PIK3R3: variants seen among roughly 807,000 people sequenced by gnomAD.
The protein encoded by PIK3R3 is phosphoinositide-3-kinase regulatory subunit 3.
Under a neutral mutation model 62.9 loss-of-function variants are expected in PIK3R3, and 64 were observed. That is an observed-to-expected ratio of 1.02 (90% CI 0.83 to 1.25). PIK3R3 has a LOEUF of 1.25. Ranked by LOEUF, PIK3R3 falls within the 50% of genes most tolerant of loss-of-function variation. The probability of loss-of-function intolerance (pLI) is 0.00; values close to 1 mark genes in which losing one functional copy is unlikely to be tolerated. For missense variants in PIK3R3, 614 were observed against 561.6 expected, an observed-to-expected ratio of 1.09 and a Z score of -0.94; for synonymous variants, 165 against 189.0, an observed-to-expected ratio of 0.87 and a Z score of 1.04.
At chr1:46,136,770 G>T (rs1557647278), upstream of PIK3R3, among the ~76,000 whole-genome samples, 1 of 152,184 alleles carries the variant, frequency 6.6e-6, no homozygotes, top group Non-Finnish European at 1.5e-5. Flanking sequence ...AATCTCTCTA[G>T]CTTGACATCT....
the PIK3R3 span, among the ~76,000 whole-genome samples, chr1:46,151,116 T>A: frequency 6.6e-6 from 1 of 152,052 alleles, no homozygotes; most frequent in South Asian, 2.1e-4. Context: ...CGGCTGCTGG[T>A]AAACATTTTT....
chr1:46,126,412 C>T (rs908949064), intron 1 of PIK3R3, among the ~76,000 whole-genome samples: 14 of 151,796 alleles, frequency 9.2e-5, no homozygotes, highest in Non-Finnish European at 1.9e-4. Context: ...GTGGTAGGCA[C>T]CTGTAACCCC....
Position 46,040,604 on chromosome 1 carries a change from C to T in PIK3R3, c.*3069G>A, listed in dbSNP as rs568441076. 1 of 223,398 alleles carries T rather than the reference C, an allele frequency of 4.5e-6. No individual in the cohort carries two copies. The highest frequency in any genetic ancestry group is 8.9e-6 in the Non-Finnish European group (1 of 111,806). 13.8% of individuals were successfully genotyped at this position (223,398 alleles called of 1,614,324 possible). On this transcript the variant is annotated 3_prime_UTR_variant, in exon 10 of 10. Coordinates refer to ENST00000262741, the MANE Select transcript of PIK3R3 (RefSeq NM_003629.4). ...CTGGTTTCTGAGGCCACTGAAGCCT[C>T]ACAGAGGCCTACTCTGGGTTGTTAA...
the PIK3R3 span, among the ~76,000 whole-genome samples, chr1:46,151,586 T>C: frequency 4.6e-5 from 7 of 152,096 alleles, no homozygotes; most frequent in Non-Finnish European, 8.8e-5. Context: ...CTGCAAATAA[T>C]AATAATAAAG....
chr1:46,055,129 A>T (rs1647760124), intron 7 of PIK3R3, among the ~76,000 whole-genome samples: 4 of 80,416 alleles, frequency 5.0e-5, no homozygotes, highest in Admixed American at 1.3e-4. Context: ...TTTTTCCCAG[A>T]TGGAGTCTCA....
At chr1:46,100,954 G>A (rs1426939768) in intron 1 of PIK3R3, among the ~76,000 whole-genome samples, 2 of 152,010 alleles carry the variant, frequency 1.3e-5, no homozygotes, top group African/African-American at 4.8e-5. Flanking sequence ...TTGGGAGGCT[G>A]AGGTAGGCTA....
intron 6 of PIK3R3, among the ~76,000 whole-genome samples, chr1:46,059,065 GAGTA>G (rs1648221230): frequency 1.3e-5 from 2 of 152,186 alleles, no homozygotes; most frequent in East Asian, 1.9e-4. Context: ...TCATTGTAGT[GAGTA>G]AGTTTCACGA....
chr1:46,068,261 G>A (rs1459808812), intron 3 of PIK3R3, among the ~76,000 whole-genome samples: 1 of 152,068 alleles, frequency 6.6e-6, no homozygotes, highest in African/African-American at 2.4e-5. Flanking sequence ...ATTGCAAGCT[G>A]GCCTCTCTGT....
chr1:46,143,482 C>T, the PIK3R3 span, among the ~76,000 whole-genome samples: 2 of 151,566 alleles, frequency 1.3e-5, no homozygotes, highest in African/African-American at 2.4e-5. Flanking sequence ...CTCACTGTGT[C>T]GCCCAGGCTG....
chr1:46,116,380 T>C (rs1203261606), intron 1 of PIK3R3, among the ~76,000 whole-genome samples: 2 of 151,996 alleles, frequency 1.3e-5, no homozygotes, highest in Non-Finnish European at 2.9e-5. Flanking sequence ...TAGCCAGGCA[T>C]GGTAGTGCAT....
chr1:46,105,292 A>AGG (rs1653092208), intron 1 of PIK3R3: 6 of 254,084 alleles, frequency 2.4e-5, no homozygotes, highest in East Asian at 7.9e-5. Flanking sequence ...TCACGAGGTC[A>AGG]AGTTCGAGAC....
chr1:46,131,824 CT>C (rs751868703), intron 1 of PIK3R3, 22 bp downstream of exon 1: 42,018 of 1,004,082 alleles, frequency 0.042, no homozygotes, highest in East Asian at 0.051. Context: ...TCACGAGATT[CT>C]TTTTTTTTTT....
upstream of PIK3R3, chr1:46,132,809 C>T (rs1470087012): frequency 6.5e-6 from 8 of 1,236,446 alleles, no homozygotes; most frequent in East Asian, 3.5e-4. Flanking sequence ...TGCCTGAGAA[C>T]ATGTTCAAAA....
intron 1 of PIK3R3, among the ~76,000 whole-genome samples, chr1:46,117,745 CGAAAGAAAGAAA>C (rs547538635): frequency 7.0e-6 from 1 of 142,064 alleles, no homozygotes; most frequent in South Asian, 2.3e-4. Context: ...AAACCTGTCT[CGAAAGAAAGAAA>C]GAAAGAAAGA....
At chr1:46,111,809 T>C (rs552598394) in intron 1 of PIK3R3, among the ~76,000 whole-genome samples, 2 of 152,280 alleles carry the variant, frequency 1.3e-5, no homozygotes, top group African/African-American at 4.8e-5. Flanking sequence ...GTTAAGTAGC[T>C]GTTCAATTTA....
At chr1:46,081,194 A>C (rs1226774741) in intron 1 of PIK3R3, among the ~76,000 whole-genome samples, 1 of 152,202 alleles carries the variant, frequency 6.6e-6, no homozygotes, top group Non-Finnish European at 1.5e-5. Context: ...GTTATTAATA[A>C]TTTGCTCAAC....
At chr1:46,152,745 A>G in the PIK3R3 span, among the ~76,000 whole-genome samples, 4 of 151,824 alleles carry the variant, frequency 2.6e-5, no homozygotes, top group Non-Finnish European at 4.4e-5. Context: ...TTGGATTTTT[A>G]GTGGAGATGG....
In PIK3R3 at chr1:46,041,332, C is replaced by G. The variant is rs1008256430; in HGVS notation, c.*2341G>C. ...TACTGTCAAACCTCTCAAATGACCC[C>G]TGGGTCTTAGATCCCACAAAACAAT... is the stretch of plus-strand genomic sequence containing the variant. On this transcript the variant is annotated 3_prime_UTR_variant, in exon 10 of 10. Coordinates refer to ENST00000262741, the MANE Select transcript of PIK3R3 (RefSeq NM_003629.4). 1.2e-5 allele frequency: 2 copies of G among 163,678 alleles called. No individual in the cohort carries two copies. Among genetic ancestry groups the G allele is most frequent in the African/African-American group, 2.4e-5 (1 of 41,636 alleles). 10.1% of individuals were successfully genotyped at this position (163,678 alleles called of 1,614,324 possible).
At chr1:46,091,683 T>C (rs182252104) in intron 1 of PIK3R3, among the ~76,000 whole-genome samples, 1 of 152,288 alleles carries the variant, frequency 6.6e-6, no homozygotes, top group Admixed American at 6.5e-5. Flanking sequence ...ACGAGCAAAT[T>C]TGAGGGTATT....
Sources: allele counts gnomAD v4.1 joint callset (sites outside exome capture counted in the v4.1 genomes callset), GRCh38; gene constraint gnomAD v4.1.1; transcripts MANE v1.5; gene names NCBI Gene and HGNC (gene_info 2026-07-23, HGNC 2026-07-21).